The following KLF17 variants were observed in gnomAD, a reference collection of about 807,000 sequenced individuals.
KLF17 encodes Krueppel-like factor 17.
KLF17 carries 31 observed loss-of-function variants against 34.2 expected under a neutral mutation model. The observed-to-expected ratio is 0.91, with a 90% CI of 0.68 to 1.22. The LOEUF (loss-of-function observed/expected upper bound fraction) is 1.22. KLF17 is among the 50% of genes most tolerant of loss of function. KLF17 has a pLI of 0.00. For synonymous variants in KLF17, 179 were observed against 186.7 expected (o/e 0.96, Z 0.34); for missense variants, 478 against 505.2 (o/e 0.95, Z 0.52).
rs2088132727 is a variant in KLF17, at chr1:44,133,229, A to G, written c.*1-9A>G. 1 of 152,198 alleles carries G rather than the reference A, an allele frequency of 6.6e-6. No homozygotes were observed. Among genetic ancestry groups the G allele is most frequent in the African/African-American group, 2.4e-5 (1 of 41,438 alleles). The allele number at this position is 152,198 out of a possible 1,614,324, so 9.4% of individuals were successfully genotyped here. A position where few individuals can be genotyped will look rare whatever the true frequency, so the allele number is the denominator to read the frequency against. On this transcript the variant is annotated splice_polypyrimidine_tract_variant and intron_variant, in intron 3 of 3. Transcript: ENST00000372299. The stretch of plus-strand genomic sequence containing the variant: ...AGTAATCCCTCAAATTTTGAAATAA[A>G]CTGAACAGGTGAATGAAGAAGGAAG...
the KLF17 span, among the ~76,000 whole-genome samples, chr1:44,096,406 T>TTA: frequency 6.7e-6 from 1 of 148,916 alleles, no homozygotes; most frequent in Non-Finnish European, 1.5e-5. Context: ...TTATTTTTCT[T>TTA]TTTTTTTTTT....
the KLF17 span, among the ~76,000 whole-genome samples, chr1:44,097,345 C>T: frequency 1.1e-4 from 17 of 152,006 alleles, no homozygotes; most frequent in South Asian, 8.3e-4. Flanking sequence ...CTTGGCTATG[C>T]GGGCTCTTTT....
At position 44,134,554 on chromosome 1, in the gene KLF17, GGA is replaced by G. The variant is rs1487871200; in HGVS notation, c.*1318_*1319del. 7 of 152,026 alleles carry G rather than the reference GGA, an allele frequency of 4.6e-5. No individual in the cohort carries two copies. Among genetic ancestry groups the G allele is most frequent in the African/African-American group, 7.2e-5 (3 of 41,382 alleles). The allele number at this position is 152,026 out of a possible 1,614,324, so 9.4% of individuals were successfully genotyped here. A position where few individuals can be genotyped will look rare whatever the true frequency, so the allele number is the denominator to read the frequency against. On this transcript the variant is annotated 3_prime_UTR_variant, in exon 4 of 4. Transcript: ENST00000372299. ...AACAATCAAAACAAAAAAGACCTGT[GGA>G]CTCTAGTAGATTTTGAATCCTGCCT...
At chr1:44,104,802 A>G in the KLF17 span, 1 of 201,906 alleles carries the variant, frequency 5.0e-6, no homozygotes, top group East Asian at 1.2e-4. Context: ...GAAACTATTC[A>G]GCAATGGGAA....
chr1:44,108,848 G>A, the KLF17 span, among the ~76,000 whole-genome samples: 1 of 151,830 alleles, frequency 6.6e-6, no homozygotes, highest in African/African-American at 2.4e-5. Flanking sequence ...TGTATTTTTA[G>A]TAGAAATGGG....
chr1:44,075,475 T>C, the KLF17 span, among the ~76,000 whole-genome samples: 3 of 152,190 alleles, frequency 2.0e-5, no homozygotes, highest in Non-Finnish European at 2.9e-5. Flanking sequence ...TTGAACCAGG[T>C]ATTCAAATAT....
At chr1:44,078,088 G>C in the KLF17 span, among the ~76,000 whole-genome samples, 3 of 152,182 alleles carry the variant, frequency 2.0e-5, no homozygotes, top group Non-Finnish European at 4.4e-5. Context: ...TTGTTGAACA[G>C]AAGTTTACTT....
At chr1:44,093,708 T>A in the KLF17 span, among the ~76,000 whole-genome samples, 3 of 152,332 alleles carry the variant, frequency 2.0e-5, no homozygotes, top group East Asian at 1.9e-4. Flanking sequence ...TACGATTTTT[T>A]AAAAAGTGTC....
At chr1:44,087,195 G>A in the KLF17 span, among the ~76,000 whole-genome samples, 20 of 152,122 alleles carry the variant, frequency 1.3e-4, no homozygotes, top group East Asian at 1.9e-4. Context: ...TCAGGCTGCC[G>A]TAACAAGATA....
chr1:44,090,119 ACT>A, the KLF17 span, among the ~76,000 whole-genome samples: 3 of 139,204 alleles, frequency 2.2e-5, no homozygotes, highest in Admixed American at 7.4e-5. Flanking sequence ...ATAAAGTGAG[ACT>A]CTGTCTCAAA....
At chr1:44,111,463 G>GTTTT in the KLF17 span, among the ~76,000 whole-genome samples, 138 of 90,458 alleles carry the variant, frequency 1.5e-3, 2 homozygotes, top group African/African-American at 3.2e-3. Context: ...TTTGCAACTT[G>GTTTT]TTTTTTTTTT....
At chr1:44,120,898 C>G (rs138717388) in intron 1 of KLF17, among the ~76,000 whole-genome samples, 1 of 152,122 alleles carries the variant, frequency 6.6e-6, no homozygotes, top group Non-Finnish European at 1.5e-5. Flanking sequence ...GCAGAAGGCT[C>G]GTTTGAGCTC....
the KLF17 span, chr1:44,050,974 C>A: frequency 1.2e-4 from 19 of 152,080 alleles, no homozygotes; most frequent in African/African-American, 4.6e-4. Context: ...CTTTCCCGAG[C>A]AAAACCAAGA....
At chr1:44,103,748 C>T in the KLF17 span, 1 of 1,183,490 alleles carries the variant, frequency 8.4e-7, no homozygotes. Context: ...TAACTGCCAG[C>T]TCCTCAGGCT....
the KLF17 span, among the ~76,000 whole-genome samples, chr1:44,106,136 T>C: frequency 1.3e-5 from 2 of 152,070 alleles, no homozygotes; most frequent in Non-Finnish European, 2.9e-5. Flanking sequence ...ACACTCATCC[T>C]ATTCCTACTT....
At chr1:44,057,795 G>C in the KLF17 span, among the ~76,000 whole-genome samples, 1 of 152,172 alleles carries the variant, frequency 6.6e-6, no homozygotes, top group Non-Finnish European at 1.5e-5. Context: ...ATTCCAGACT[G>C]TAAAGTGGGT....
chr1:44,096,720 T>G, the KLF17 span, among the ~76,000 whole-genome samples: 1 of 152,108 alleles, frequency 6.6e-6, no homozygotes, highest in East Asian at 1.9e-4. Context: ...AAAAAAAAAT[T>G]TTTTTAATTT....
the KLF17 span, chr1:44,104,006 C>T: frequency 1.2e-6 from 1 of 854,042 alleles, no homozygotes; most frequent in South Asian, 1.3e-5. Flanking sequence ...TGATGCTGTC[C>T]GTGTCCATGG....
intron 3 of KLF17, among the ~76,000 whole-genome samples, chr1:44,132,723 CT>C (rs200455283): frequency 2.8e-5 from 2 of 71,642 alleles, no homozygotes; most frequent in African/African-American, 1.0e-4. Flanking sequence ...ACTGTAACTT[CT>C]TCTCCTCCCA....
Sources: gnomAD v4.1 joint callset for allele counts (sites outside exome capture counted in the v4.1 genomes callset) on GRCh38, gnomAD v4.1.1 for gene constraint, MANE v1.5 for transcripts, NCBI Gene and HGNC (gene_info 2026-07-23, HGNC 2026-07-21) for gene names.